The following ZZZ3 variants were observed in gnomAD, a reference collection of about 807,000 sequenced individuals.
The protein encoded by ZZZ3 is ZZ-type zinc finger-containing protein 3.
A neutral mutation model predicts 95.2 loss-of-function variants in ZZZ3; 22 were observed. The ratio of observed to expected loss-of-function variants is 0.23; its 90% CI spans 0.17 to 0.33. ZZZ3 has a LOEUF of 0.33. Among genes scored for constraint, ZZZ3 ranks in the 10% least tolerant of loss-of-function variants. ZZZ3 has a pLI of 1.00. For missense variants in ZZZ3, 885 were observed against 1,066.5 expected (o/e 0.83, Z 2.37); for synonymous variants, 335 against 358.9 (o/e 0.93, Z 0.75).
At position 77,569,192 on chromosome 1, in the gene ZZZ3, T is replaced by C. The variant is rs143122816; in HGVS notation, c.2332-726A>G. Among the ~76,000 whole-genome samples the C allele has an allele frequency of 1.1e-3, 167 of 151,890 alleles. 1 individual carries two copies. The highest frequency in any genetic ancestry group is 4.0e-3 in the African/African-American group (164 of 41,422). ...TCTCTACTAAAAATACAAAAATTAG[T>C]TGGGCATGGTGGCACGCACCTGTAA... On this transcript the variant is annotated intron_variant, in intron 12 of 14. Transcript: ENST00000370801.
At chr1:77,577,001 AGT>A (rs1373816825) in intron 11 of ZZZ3, among the ~76,000 whole-genome samples, 1 of 152,214 alleles carries the variant, frequency 6.6e-6, no homozygotes, top group African/African-American at 2.4e-5. Flanking sequence ...TTTCTTGTTC[AGT>A]GTGTTGCAGC....
chr1:77,662,664 G>T (rs2101021122), intron 1 of ZZZ3, among the ~76,000 whole-genome samples: 1 of 152,196 alleles, frequency 6.6e-6, no homozygotes, highest in East Asian at 1.9e-4. Flanking sequence ...GGTGGCTCAG[G>T]CCTGTAATCC....
At chr1:77,572,493 C>T (rs764823740) in intron 12 of ZZZ3, among the ~76,000 whole-genome samples, 7 of 152,128 alleles carry the variant, frequency 4.6e-5, no homozygotes, top group African/African-American at 9.7e-5. Flanking sequence ...GCATGCACCA[C>T]CATACCTGGC....
chr1:77,576,280 T>C lies in ZZZ3; in HGVS notation c.2179-60A>G, dbSNP rs532305447. 4.4e-6 allele frequency: 6 copies of C among 1,369,154 alleles called. No homozygotes were observed. The South Asian group carries it at 5.9e-5, about 13-fold the overall frequency. The allele number at this position is 1,369,154 out of a possible 1,614,324, so 84.8% of individuals were successfully genotyped here. A position where few individuals can be genotyped will look rare whatever the true frequency, so the allele number is the denominator to read the frequency against. On this transcript the variant is annotated intron_variant, in intron 11 of 14. Transcript: ENST00000370801. ...GAAAAATCATTACAAGAATCAAAAATATAAAAATACAAATGTTACTTCCAA... is the reference window on the plus strand; with the variant it reads ...GAAAAATCATTACAAGAATCAAAAACATAAAAATACAAATGTTACTTCCAA...
chr1:77,581,148 G>T, intron 8 of ZZZ3, 79 bp from the exon 9 acceptor site: 1 of 1,114,616 alleles, frequency 9.0e-7, no homozygotes. Flanking sequence ...CACGCAAATT[G>T]TGGAATTTTT....
Position 77,649,114 on chromosome 1 carries a change from G to A in ZZZ3, c.-402-7459C>T, listed in dbSNP as rs566271090. Among the ~76,000 whole-genome samples, 26 of 152,076 alleles carry A rather than the reference G, an allele frequency of 1.7e-4. No homozygotes were observed. The East Asian group carries it at 3.3e-3, about 19-fold the overall frequency. On this transcript the variant is annotated intron_variant, in intron 1 of 14. Coordinates refer to ENST00000370801, the MANE Select transcript of ZZZ3 (RefSeq NM_015534.6). Reference sequence around the variant, plus strand: ...TTCACTCCAGCCTGGGTGACAGAGCGAGACTCCATCTCAAAAAAACAAAAT... The same window carrying A: ...TTCACTCCAGCCTGGGTGACAGAGCAAGACTCCATCTCAAAAAAACAAAAT...
intron 4 of ZZZ3, 53 bp downstream of exon 4, chr1:77,639,396 A>T (rs1261641031): frequency 7.1e-7 from 1 of 1,407,930 alleles, no homozygotes; most frequent in East Asian, 2.7e-5. Context: ...AAAAAAAAAG[A>T]AGAAGAAGTC....
intron 1 of ZZZ3, among the ~76,000 whole-genome samples, chr1:77,648,824 A>C (rs1247025402): frequency 6.6e-6 from 1 of 152,188 alleles, no homozygotes; most frequent in Non-Finnish European, 1.5e-5. Context: ...GAAATGACGA[A>C]TTCACAGATC....
In ZZZ3 at chr1:77,633,366, T is replaced by C. The variant is rs1668002053; in HGVS notation, c.-12A>G. 4 of 1,584,512 alleles carry C rather than the reference T, an allele frequency of 2.5e-6. No homozygotes were observed. The highest frequency in any genetic ancestry group is 1.4e-5 in the African/African-American group (1 of 73,782). On this transcript the variant is annotated 5_prime_UTR_variant, in exon 5 of 15. Coordinates refer to ENST00000370801, the MANE Select transcript of ZZZ3 (RefSeq NM_015534.6). ...CGGGAAGCAGCCATACTATGGCAAGTCCCTACAATACGGTCATCATGATCC... is the reference window on the plus strand; with the variant it reads ...CGGGAAGCAGCCATACTATGGCAAGCCCCTACAATACGGTCATCATGATCC...
At position 77,578,789 on chromosome 1, in the gene ZZZ3, ATAT is replaced by A. The variant is rs757632044; in HGVS notation, c.2160_2162del (p.Leu720_Tyr721delinsPhe). 1.3e-6 allele frequency: 2 copies of A among 1,554,146 alleles called. No individual in the cohort carries two copies. On this transcript the variant is annotated inframe_deletion, in exon 11 of 15. Coordinates refer to ENST00000370801, the MANE Select transcript of ZZZ3 (RefSeq NM_015534.6). ...TTTCTTTTACCTTTTTGGAGTATAT[ATAT>A]AAGTTTGGTGTTCTGCCTGGTACTG... is the stretch of plus-strand genomic sequence containing the variant.
chr1:77,656,852 T>C (rs1670313098), intron 1 of ZZZ3, among the ~76,000 whole-genome samples: 1 of 152,244 alleles, frequency 6.6e-6, no homozygotes, highest in South Asian at 2.1e-4. Flanking sequence ...CACTGAATTA[T>C]CAAATACTCA....
chr1:77,675,136 A>G (rs1261097626), intron 1 of ZZZ3, among the ~76,000 whole-genome samples: 1 of 152,094 alleles, frequency 6.6e-6, no homozygotes, highest in Non-Finnish European at 1.5e-5. Flanking sequence ...AAGTATTACA[A>G]AGTTCTTCAA....
intron 5 of ZZZ3, among the ~76,000 whole-genome samples, chr1:77,614,064 G>A (rs939355023): frequency 6.6e-6 from 1 of 152,102 alleles, no homozygotes; most frequent in Admixed American, 6.5e-5. Flanking sequence ...CTCAGCTAAG[G>A]TCTTCCAGTA....
In ZZZ3 at chr1:77,576,226, T is replaced by A. The variant is rs1661924347; in HGVS notation, c.2179-6A>T. 1 of 1,566,944 alleles carries A rather than the reference T, an allele frequency of 6.4e-7. No homozygotes were observed. The highest frequency in any genetic ancestry group is 8.6e-7 in the Non-Finnish European group (1 of 1,163,118). Reference sequence around the variant, plus strand: ...TGTCGTCTGCTTGTTGAAGACTAAGTAAGAAAACAAATTTTTAATTGGTTC... The same window carrying A: ...TGTCGTCTGCTTGTTGAAGACTAAGAAAGAAAACAAATTTTTAATTGGTTC... On this transcript the variant is annotated splice_region_variant and splice_polypyrimidine_tract_variant and intron_variant, in intron 11 of 14. Coordinates refer to ENST00000370801, the MANE Select transcript of ZZZ3 (RefSeq NM_015534.6).
At chr1:77,575,733 T>C (rs1052814870) in intron 12 of ZZZ3, among the ~76,000 whole-genome samples, 6 of 152,190 alleles carry the variant, frequency 3.9e-5, no homozygotes, top group African/African-American at 7.2e-5. Context: ...AGTGACTATA[T>C]ATTTCACTGT....
At chr1:77,635,381 C>A (rs1668202332) in intron 4 of ZZZ3, among the ~76,000 whole-genome samples, 1 of 152,118 alleles carries the variant, frequency 6.6e-6, no homozygotes, top group African/African-American at 2.4e-5. Flanking sequence ...ACCAAGTGAA[C>A]AATAAGTACA....
intron 1 of ZZZ3, among the ~76,000 whole-genome samples, chr1:77,656,435 A>G (rs966781463): frequency 5.9e-5 from 9 of 152,214 alleles, no homozygotes; most frequent in African/African-American, 2.2e-4. Context: ...TTCTGTCAAC[A>G]CAACAATCAA....
intron 1 of ZZZ3, among the ~76,000 whole-genome samples, chr1:77,648,896 C>T (rs1669545083): frequency 6.6e-6 from 1 of 152,096 alleles, no homozygotes; most frequent in Non-Finnish European, 1.5e-5. Flanking sequence ...TTTGTGAGGC[C>T]AAGGAAGGTG....
Position 77,562,789 on chromosome 1 carries a change from C to T in ZZZ3, c.*2851G>A, listed in dbSNP as rs967239406. On this transcript the variant is annotated 3_prime_UTR_variant, in exon 15 of 15. Transcript: ENST00000370801. Reference sequence around the variant, plus strand: ...ATCAGGAAAACAGAATGTAAGGCAACATCTGCACACCTCCACTCCTAACAC... The same window carrying T: ...ATCAGGAAAACAGAATGTAAGGCAATATCTGCACACCTCCACTCCTAACAC... 1 of 152,342 alleles carries T rather than the reference C, an allele frequency of 6.6e-6. No individual in the cohort carries two copies. The highest frequency in any genetic ancestry group is 2.4e-5 in the African/African-American group (1 of 41,434). The allele number at this position is 152,342 out of a possible 1,614,324, so 9.4% of individuals were successfully genotyped here.
Sources: allele counts gnomAD v4.1 joint callset (sites outside exome capture counted in the v4.1 genomes callset), GRCh38; gene constraint gnomAD v4.1.1; transcripts MANE v1.5; gene names NCBI Gene and HGNC (gene_info 2026-07-23, HGNC 2026-07-21).